The following DLG2 variants were observed in gnomAD, a reference collection of about 807,000 sequenced individuals.
DLG2 encodes the protein disks large homolog 2.
DLG2 carries 45 observed loss-of-function variants against 132.5 expected under a neutral mutation model. That is an observed-to-expected ratio of 0.34 (90% CI 0.27 to 0.44). The LOEUF is 0.44. Among genes scored for constraint, DLG2 ranks in the 20% least tolerant of loss-of-function variants. The pLI is 1.00. For missense variants in DLG2, 1,045 were observed against 1,196.9 expected, an observed-to-expected ratio of 0.87 and a Z score of 1.87; for synonymous variants, 424 against 419.6, an observed-to-expected ratio of 1.01 and a Z score of -0.13.
At chr11:83,609,459 G>A in intron 19 of DLG2, among the ~76,000 whole-genome samples, 1 of 152,156 alleles carries the variant, frequency 6.6e-6, no homozygotes, top group Admixed American at 6.5e-5. Flanking sequence ...GGAAATGACA[G>A]AATTTTGAAA....
intron 6 of DLG2, among the ~76,000 whole-genome samples, chr11:84,819,920 G>A (rs1356258672): frequency 1.3e-5 from 2 of 151,350 alleles, no homozygotes; most frequent in African/African-American, 2.4e-5. Flanking sequence ...GACCTGTCTG[G>A]GTAAGTGTCC....
intron 6 of DLG2, among the ~76,000 whole-genome samples, chr11:85,062,646 GT>G (rs2064291830): frequency 6.6e-6 from 1 of 151,618 alleles, no homozygotes. Context: ...GCAAATTCAT[GT>G]TATTAACTTA....
At chr11:84,278,747 G>A (rs996525213) in intron 7 of DLG2, among the ~76,000 whole-genome samples, 3 of 151,948 alleles carry the variant, frequency 2.0e-5, no homozygotes, top group Non-Finnish European at 4.4e-5. Flanking sequence ...TTATTCATAT[G>A]TTGAACACCT....
intron 17 of DLG2, among the ~76,000 whole-genome samples, chr11:83,825,096 CACATATATATAG>C (rs2052160106): frequency 7.0e-6 from 1 of 142,448 alleles, no homozygotes. Flanking sequence ...CATATATATA[CACATATATATAG>C]ACATATATAT....
intron 3 of DLG2, among the ~76,000 whole-genome samples, chr11:85,419,689 A>G (rs1216683206): frequency 6.6e-6 from 1 of 152,106 alleles, no homozygotes; most frequent in Non-Finnish European, 1.5e-5. Context: ...TTGATCTTCA[A>G]TCTCTGATAT....
At chr11:83,707,796 T>C (rs1481910759) in intron 18 of DLG2, among the ~76,000 whole-genome samples, 1 of 152,214 alleles carries the variant, frequency 6.6e-6, no homozygotes, top group East Asian at 1.9e-4. Context: ...AACCCTGTCT[T>C]AATCATCTTT....
At chr11:83,872,072 T>G (rs2154064787) in intron 16 of DLG2, among the ~76,000 whole-genome samples, 1 of 152,270 alleles carries the variant, frequency 6.6e-6, no homozygotes, top group East Asian at 1.9e-4. Context: ...GAGACCAGCC[T>G]GGCAAATATG....
intron 6 of DLG2, among the ~76,000 whole-genome samples, chr11:84,603,928 G>GA (rs1242501607): frequency 6.6e-5 from 10 of 151,822 alleles, no homozygotes; most frequent in Non-Finnish European, 1.3e-4. Context: ...TTTTGACATG[G>GA]AAAAATGGCA....
intron 7 of DLG2, among the ~76,000 whole-genome samples, chr11:84,520,850 A>G (rs1200824253): frequency 6.6e-6 from 1 of 152,162 alleles, no homozygotes; most frequent in Non-Finnish European, 1.5e-5. Flanking sequence ...ATGTGCTTCT[A>G]TTATCATCAG....
At chr11:85,150,471 G>C (rs2077168933) in intron 5 of DLG2, among the ~76,000 whole-genome samples, 1 of 151,918 alleles carries the variant, frequency 6.6e-6, no homozygotes, top group South Asian at 2.1e-4. Flanking sequence ...TTGAAAAACT[G>C]AAACTATATA....
At position 85,153,456 on chromosome 11, in the gene DLG2, T is replaced by C. The variant is rs2077396292; in HGVS notation, c.282+1100A>G. On this transcript the variant is annotated intron_variant, in intron 5 of 27. Coordinates refer to ENST00000376104, the MANE Select transcript of DLG2 (RefSeq NM_001142699.3). Reference sequence around the variant, plus strand: ...TCACCAAGTCCTGTCAATTATTTCTTTAAGATTCATCATTTCTCTATAAGC... The same window carrying C: ...TCACCAAGTCCTGTCAATTATTTCTCTAAGATTCATCATTTCTCTATAAGC... 2.0e-5 allele frequency among the ~76,000 whole-genome samples: 3 copies of C among 152,206 alleles called. No individual in the cohort carries two copies. The South Asian group carries it at 6.2e-4, about 32-fold the overall frequency.
At chr11:84,690,853 C>T (rs1053766741) in intron 6 of DLG2, among the ~76,000 whole-genome samples, 6 of 151,862 alleles carry the variant, frequency 4.0e-5, no homozygotes, top group African/African-American at 9.7e-5. Context: ...CATTTAACCA[C>T]TGTACTCAGT....
intron 6 of DLG2, among the ~76,000 whole-genome samples, chr11:84,869,329 C>A (rs758544784): frequency 5.3e-5 from 8 of 152,116 alleles, no homozygotes; most frequent in Admixed American, 2.0e-4. Flanking sequence ...ATGCAACAGG[C>A]GGTACCTAAT....
chr11:83,829,197 C>CTT (rs5793089), intron 17 of DLG2, among the ~76,000 whole-genome samples: 12 of 119,340 alleles, frequency 1.0e-4, no homozygotes, highest in Non-Finnish European at 1.7e-4. Flanking sequence ...TTTTATTTAG[C>CTT]TTTTTTTTTT....
At chr11:85,185,921 C>T (rs887419383) in intron 4 of DLG2, among the ~76,000 whole-genome samples, 6 of 151,888 alleles carry the variant, frequency 4.0e-5, no homozygotes. Context: ...AAAACTGAGG[C>T]CTAGAGTTTG....
intron 17 of DLG2, among the ~76,000 whole-genome samples, chr11:83,792,794 G>A (rs2041917581): frequency 6.6e-6 from 1 of 152,024 alleles, no homozygotes; most frequent in African/African-American, 2.4e-5. Context: ...TAAACAATGA[G>A]GTAATAAATA....
chr11:83,559,438 G>A (rs1036841232), intron 19 of DLG2, among the ~76,000 whole-genome samples: 1 of 152,100 alleles, frequency 6.6e-6, no homozygotes, highest in African/African-American at 2.4e-5. Context: ...TTCAATGAAG[G>A]TACTTTGTTT....
intron 10 of DLG2, among the ~76,000 whole-genome samples, chr11:84,072,313 T>A (rs1174335915): frequency 6.6e-6 from 1 of 152,244 alleles, no homozygotes; most frequent in Non-Finnish European, 1.5e-5. Flanking sequence ...GTCAGGCCTC[T>A]TCCTCTGCCT....
intron 22 of DLG2, among the ~76,000 whole-genome samples, chr11:83,481,810 CAG>C (rs1272585213): frequency 6.6e-6 from 1 of 151,896 alleles, no homozygotes; most frequent in Non-Finnish European, 1.5e-5. Context: ...TTGGGTAAGA[CAG>C]GGCTTTTTGT....
Sources: gnomAD v4.1 joint callset for allele counts (sites outside exome capture counted in the v4.1 genomes callset) on GRCh38, gnomAD v4.1.1 for gene constraint, MANE v1.5 for transcripts, NCBI Gene and HGNC (gene_info 2026-07-23, HGNC 2026-07-21) for gene names.